ZBTB49: variants seen among roughly 807,000 people sequenced by gnomAD.
ZBTB49 encodes the protein zinc finger and BTB domain-containing protein 49.
A neutral mutation model predicts 57.5 loss-of-function variants in ZBTB49; 43 were observed. The ratio of observed to expected loss-of-function variants is 0.75; its 90% confidence interval spans 0.59 to 0.97. ZBTB49 has a LOEUF of 0.97. Ranked by LOEUF, ZBTB49 falls within the 50% of genes least tolerant of loss-of-function variation. The pLI is 0.00. For synonymous variants in ZBTB49, 369 were observed against 362.1 expected (o/e 1.02, Z -0.22); for missense variants, 938 against 947.7 (o/e 0.99, Z 0.13).
chr4:4,315,405 A>G lies in ZBTB49; in HGVS notation c.1377-231A>G, dbSNP rs762045444. ...AAACTGAGGAAGAAAGTGTGATGAA[A>G]TCAGGTAGAAAAAAATGCTTTAAAA... On this transcript the variant is annotated intron_variant, in intron 5 of 7. Coordinates refer to ENST00000337872, the MANE Select transcript of ZBTB49 (RefSeq NM_145291.4). Among the ~76,000 whole-genome samples the G allele has an allele frequency of 3.3e-5, 5 of 152,318 alleles. No individual in the cohort carries two copies. The Middle Eastern group carries it at 0.014, about 414-fold the overall frequency.
chr4:4,318,715 C>T (rs182799966), intron 7 of ZBTB49, among the ~76,000 whole-genome samples: 2 of 152,232 alleles, frequency 1.3e-5, no homozygotes, highest in African/African-American at 4.8e-5. Flanking sequence ...CACAAAATTC[C>T]GCATGTCTGA....
chr4:4,303,158 C>T (rs1720580234), intron 3 of ZBTB49, 67 bp downstream of exon 3: 36 of 1,443,790 alleles, frequency 2.5e-5, no homozygotes, highest in Non-Finnish European at 3.1e-5. Flanking sequence ...ACCACTGGCT[C>T]TTCTTGTTTT....
intron 4 of ZBTB49, among the ~76,000 whole-genome samples, chr4:4,306,739 C>G (rs1298927341): frequency 2.6e-5 from 4 of 152,210 alleles, no homozygotes; most frequent in Non-Finnish European, 4.4e-5. Context: ...ACAAAGAAAC[C>G]TAGAGACCTA....
In ZBTB49 at chr4:4,306,118, GTTGTT is replaced by G. The variant is rs753403489; in HGVS notation, c.1256-7_1256-3del. On this transcript the variant is annotated splice_polypyrimidine_tract_variant and intron_variant, in intron 3 of 7. Transcript: ENST00000337872. ...AATACTAGTAATGATTTTACAAGTTGTTGTTTTGTTTTGTTTTAGGTGAGAAACCT... is the reference window on the plus strand; with the variant it reads ...AATACTAGTAATGATTTTACAAGTTGTTGTTTTGTTTTAGGTGAGAAACCT... 55 of 1,608,166 alleles carry G rather than the reference GTTGTT, an allele frequency of 3.4e-5. No homozygotes were observed. Among genetic ancestry groups the G allele is most frequent in the South Asian group, 4.4e-5 (4 of 90,296 alleles).
chr4:4,303,154 GGCTCTTCTT>G, intron 3 of ZBTB49, 63 bp downstream of exon 3: 1 of 1,451,366 alleles, frequency 6.9e-7, no homozygotes, highest in South Asian at 1.7e-5. Context: ...AGACACCACT[GGCTCTTCTT>G]GTTTTTGTAA....
At chr4:4,306,461 AAG>A (rs1456808816) in intron 4 of ZBTB49, among the ~76,000 whole-genome samples, 1 of 152,234 alleles carries the variant, frequency 6.6e-6, no homozygotes, top group Admixed American at 6.5e-5. Context: ...TTCATGAATG[AAG>A]TTCACAGTGA....
chr4:4,316,626 T>C (rs551842639), intron 7 of ZBTB49, among the ~76,000 whole-genome samples: 46 of 152,304 alleles, frequency 3.0e-4, no homozygotes, highest in African/African-American at 9.4e-4. Flanking sequence ...ACAGCAACTT[T>C]TATGAACTGT....
chr4:4,309,270 T>C (rs990420080), intron 4 of ZBTB49, among the ~76,000 whole-genome samples: 1 of 152,168 alleles, frequency 6.6e-6, no homozygotes, highest in Non-Finnish European at 1.5e-5. Context: ...AGAAGCTGCA[T>C]CTGTCCGTGT....
intron 4 of ZBTB49, among the ~76,000 whole-genome samples, chr4:4,308,117 G>A (rs188727941): frequency 3.2e-4 from 49 of 152,214 alleles, no homozygotes; most frequent in African/African-American, 9.4e-4. Context: ...TCGCTCTGTC[G>A]CCCAGGCTGG....
chr4:4,290,672 C>G (rs917960193), intron 1 of ZBTB49, among the ~76,000 whole-genome samples: 64 of 152,378 alleles, frequency 4.2e-4, no homozygotes, highest in Admixed American at 1.6e-3. Flanking sequence ...CCAGGCTTTG[C>G]CCGCTGGAAG....
At position 4,302,502 on chromosome 4, in the gene ZBTB49, GCAGTAC is replaced by G. The variant is rs1720532106; in HGVS notation, c.669_674del (p.Gln223_Tyr224del). 6.2e-7 allele frequency: 1 copy of G among 1,614,030 alleles called. No homozygotes were observed. Among genetic ancestry groups the G allele is most frequent in the African/African-American group, 1.3e-5 (1 of 74,918 alleles). ...ACAAACTCAGAAACTTTTACAGTAA[GCAGTAC>G]CATAAACACGCAGCTGGTCCCAGTC... On this transcript the variant is annotated inframe_deletion, in exon 3 of 8. Coordinates refer to ENST00000337872, the MANE Select transcript of ZBTB49 (RefSeq NM_145291.4).
Position 4,302,072 on chromosome 4 carries a change from T to G in ZBTB49, c.236T>G (p.Leu79Arg). ...VKNVSGIGQI[L>R]DFMYTSHLDL... ...AATGTCAGTGGCATAGGGCAGATCC[T>G]GGACTTCATGTACACTTCTCATCTA... The change falls in exon 3 of 8, where the codon CTG (leucine) becomes CGG (arginine). Residue 79 changes from leucine to arginine, a missense_variant. Around this residue, in one of 3 missense-constraint regions of ZBTB49, gnomAD observed 100 missense variants for 112.5 expected, o/e 0.89. Coordinates refer to ENST00000337872, the MANE Select transcript of ZBTB49 (RefSeq NM_145291.4). 1 of 1,613,658 alleles carries G rather than the reference T, an allele frequency of 6.2e-7. No individual in the cohort carries two copies.
At chr4:4,320,239 C>G (rs1372865281) in intron 7 of ZBTB49, among the ~76,000 whole-genome samples, 1 of 152,210 alleles carries the variant, frequency 6.6e-6, no homozygotes, top group Non-Finnish European at 1.5e-5. Flanking sequence ...AATCGAAGGA[C>G]TGACACTGAG....
rs965087443 is a variant in ZBTB49 at position 4,315,936 on chromosome 4, C to T, written c.1587C>T (p.His529=). ...QRKLVKHRIR[H]TGERPYSCSA... ...AGTTAGTAAAGCACAGAATTCGGCA[C>T]ACGGGGGAGCGGCCTTACAGCTGCT... The change falls in exon 7 of 8, where the codon CAC becomes CAT. Residue 529 remains histidine (H), a synonymous_variant. Transcript: ENST00000337872. The T allele has an allele frequency of 3.7e-6, 6 of 1,614,082 alleles. No homozygotes were observed. The highest frequency in any genetic ancestry group is 5.1e-6 in the Non-Finnish European group (6 of 1,180,034).
chr4:4,303,076 A>G lies in ZBTB49; in HGVS notation c.1240A>G (p.Lys414Glu). The G allele has an allele frequency of 6.2e-7, 1 of 1,608,384 alleles. No homozygotes were observed. The highest frequency in any genetic ancestry group is 8.5e-7 in the Non-Finnish European group (1 of 1,176,478). Residue 414 changes from lysine to glutamate, a missense_variant, in exon 3 of 8, where the codon AAA becomes GAA. Lys to Glu is a moderately conservative substitution (Grantham distance 56, BLOSUM62 1). Coordinates refer to ENST00000337872, the MANE Select transcript of ZBTB49 (RefSeq NM_145291.4). ...ACACCCAAGCAACTTGGAGCTTCAC[A>G]AACGGTCTCATACAGGTAACTGATT... ...FKHPSNLELH[K>E]RSHTGEKPFE...
chr4:4,315,739 A>T, intron 6 of ZBTB49, 21 bp downstream of exon 6: 2 of 1,613,916 alleles, frequency 1.2e-6, no homozygotes, highest in Non-Finnish European at 1.7e-6. Context: ...GTGTTTTCCT[A>T]TTCTTCTTGA....
chr4:4,303,750 C>CTG (rs1720609944), intron 3 of ZBTB49, among the ~76,000 whole-genome samples: 2 of 49,454 alleles, frequency 4.0e-5, no homozygotes, highest in Admixed American at 2.3e-4. Context: ...CTCTCTCTCT[C>CTG]TCTCTCTCTC....
chr4:4,291,433 A>G (rs577698799), intron 1 of ZBTB49, among the ~76,000 whole-genome samples: 38 of 152,200 alleles, frequency 2.5e-4, no homozygotes, highest in Non-Finnish European at 4.7e-4. Flanking sequence ...GCCTCATTTT[A>G]ACTTAATTAC....
rs2920217 is a variant in ZBTB49, at chr4:4,302,795, A to C, written c.959A>C (p.Tyr320Ser). ...CTCAATTTCCTGAAGTCACAGAAAT[A>C]CGCAGAGCAAGTATCTGAACCCAAG... ...KKLNFLKSQK[Y>S]AEQVSEPKSD... The change falls in exon 3 of 8, where the codon TAC (tyrosine) becomes TCC (serine). Residue 320 changes from tyrosine (Y) to serine (S), a missense_variant. By Grantham distance (144) the Tyr-to-Ser change is moderately radical. Coordinates refer to ENST00000337872, the MANE Select transcript of ZBTB49 (RefSeq NM_145291.4). 0.28 allele frequency: 450,651 copies of C among 1,613,930 alleles called. 65,273 individuals are homozygous for C. Among genetic ancestry groups the C allele is most frequent in the Admixed American group, 0.32 (19,428 of 59,986 alleles).
Sources: allele counts gnomAD v4.1 joint callset (sites outside exome capture counted in the v4.1 genomes callset), GRCh38; gene constraint gnomAD v4.1.1; regional missense constraint gnomAD v4.1.1; transcripts MANE v1.5; gene names NCBI Gene and HGNC (gene_info 2026-07-23, HGNC 2026-07-21).